The following ADRA1B variants were observed in gnomAD, a reference collection of about 807,000 sequenced individuals.
ADRA1B encodes alpha-1B adrenergic receptor.
In ADRA1B, 17 loss-of-function variants were observed where a neutral mutation model predicts 17.9. The ratio of observed to expected loss-of-function variants is 0.95; its 90% CI spans 0.65 to 1.42. The LOEUF is 1.42. ADRA1B is among the 40% of genes most tolerant of loss of function. The probability of loss-of-function intolerance (pLI) is 0.00; values close to 1 mark genes in which losing one functional copy is unlikely to be tolerated. For missense variants in ADRA1B, 681 were observed against 722.1 expected (o/e 0.94, Z 0.65); for synonymous variants, 366 against 327.6 (o/e 1.12, Z -1.27).
the ADRA1B span, among the ~76,000 whole-genome samples, chr5:159,988,826 A>T: frequency 3.9e-5 from 6 of 152,240 alleles, no homozygotes; most frequent in African/African-American, 4.8e-5. Flanking sequence ...AAAAAATTTT[A>T]AAAATTAGCC....
downstream of ADRA1B, among the ~76,000 whole-genome samples, chr5:159,973,508 A>G (rs534601306): frequency 4.6e-5 from 7 of 152,270 alleles, no homozygotes; most frequent in South Asian, 1.5e-3. Flanking sequence ...TTGCATTCCC[A>G]GGCCAGCACT....
chr5:159,868,909 C>T (rs2113064972), intron 1 of ADRA1B: 1 of 152,238 alleles, frequency 6.6e-6, no homozygotes, highest in Non-Finnish European at 1.5e-5. Context: ...GACATAGTTT[C>T]CAGAAATTAT....
intron 1 of ADRA1B, among the ~76,000 whole-genome samples, chr5:159,892,976 C>T (rs1018186280): frequency 6.6e-6 from 1 of 152,172 alleles, no homozygotes; most frequent in African/African-American, 2.4e-5. Context: ...TCCTTTTTCT[C>T]CACAACCTTG....
At chr5:159,905,068 A>C (rs1754145429) in intron 1 of ADRA1B, among the ~76,000 whole-genome samples, 1 of 152,266 alleles carries the variant, frequency 6.6e-6, no homozygotes, top group African/African-American at 2.4e-5. Flanking sequence ...TGAAGAGTTC[A>C]TAACATGCAC....
At chr5:159,931,926 A>C (rs548252565) in intron 1 of ADRA1B, among the ~76,000 whole-genome samples, 24 of 152,360 alleles carry the variant, frequency 1.6e-4, no homozygotes, top group Admixed American at 1.2e-3. Flanking sequence ...AAGTTTCAAC[A>C]TATTAATTTT....
chr5:159,956,618 A>G (rs1459166226), intron 1 of ADRA1B, among the ~76,000 whole-genome samples: 3 of 152,214 alleles, frequency 2.0e-5, no homozygotes, highest in African/African-American at 7.2e-5. Flanking sequence ...TGTGGAAAGC[A>G]TTACTGCAAT....
intron 1 of ADRA1B, among the ~76,000 whole-genome samples, chr5:159,947,352 G>T (rs1755302461): frequency 6.6e-6 from 1 of 151,522 alleles, no homozygotes; most frequent in Non-Finnish European, 1.5e-5. Context: ...AAAAAAAAAA[G>T]AAAAGAAAAG....
rs764926136 is a variant in ADRA1B at position 159,972,894 on chromosome 5, C to A, written c.*402C>A. 6.6e-6 allele frequency among the ~76,000 whole-genome samples: 1 copy of A among 152,182 alleles called. No individual in the cohort carries two copies. Among genetic ancestry groups the A allele is most frequent in the Non-Finnish European group, 1.5e-5 (1 of 68,026 alleles). Reference sequence around the variant, plus strand: ...GGCGACTGTGCGCCCAGGAGGCAACCGGGGGCGTTGTGTGTGTCGTGACTT... The same window carrying A: ...GGCGACTGTGCGCCCAGGAGGCAACAGGGGGCGTTGTGTGTGTCGTGACTT... On this transcript the variant is annotated 3_prime_UTR_variant, in exon 2 of 2. Coordinates refer to ENST00000306675, the MANE Select transcript of ADRA1B (RefSeq NM_000679.4).
intron 1 of ADRA1B, among the ~76,000 whole-genome samples, chr5:159,963,942 C>G (rs913711756): frequency 6.6e-6 from 1 of 152,168 alleles, no homozygotes; most frequent in African/African-American, 2.4e-5. Context: ...GGGCTCACGG[C>G]AACATCTGTT....
chr5:159,985,689 CAAA>C, the ADRA1B span, among the ~76,000 whole-genome samples: 1 of 152,198 alleles, frequency 6.6e-6, no homozygotes, highest in Admixed American at 6.5e-5. Context: ...ACCAGCACAC[CAAA>C]GGGTCTGGAA....
At chr5:159,871,323 G>A (rs1753736554) in intron 1 of ADRA1B, 1 of 152,166 alleles carries the variant, frequency 6.6e-6, no homozygotes. Flanking sequence ...GGAAGTTGGG[G>A]TCTATATTGG....
At chr5:159,969,979 C>T (rs967794514) in intron 1 of ADRA1B, among the ~76,000 whole-genome samples, 3 of 151,532 alleles carry the variant, frequency 2.0e-5, no homozygotes, top group East Asian at 3.9e-4. Flanking sequence ...TAGTCTAAAT[C>T]CCAGATATAT....
At chr5:159,949,641 C>T (rs1404942939) in intron 1 of ADRA1B, among the ~76,000 whole-genome samples, 2 of 152,168 alleles carry the variant, frequency 1.3e-5, no homozygotes, top group Admixed American at 6.5e-5. Flanking sequence ...GATCAGGAGA[C>T]ACTGGAATGA....
At chr5:159,973,208 G>A (rs917176803), downstream of ADRA1B, among the ~76,000 whole-genome samples, 12 of 152,306 alleles carry the variant, frequency 7.9e-5, no homozygotes, top group African/African-American at 2.9e-4. Context: ...TCCCATTTAC[G>A]CCTTTGCGGT....
intron 1 of ADRA1B, among the ~76,000 whole-genome samples, chr5:159,890,097 G>A (rs930632742): frequency 1.3e-5 from 2 of 152,164 alleles, no homozygotes; most frequent in African/African-American, 4.8e-5. Flanking sequence ...ACGGGTGCTT[G>A]CCTTGAGGGT....
At chr5:159,881,130 C>T (rs568325426) in intron 1 of ADRA1B, among the ~76,000 whole-genome samples, 381 of 145,530 alleles carry the variant, frequency 2.6e-3, no homozygotes, top group Non-Finnish European at 4.4e-3. Context: ...GCCGAGATTG[C>T]GCCACTGCAG....
At chr5:159,881,180 C>CAAAAAAA (rs35928792) in intron 1 of ADRA1B, among the ~76,000 whole-genome samples, 4 of 56,828 alleles carry the variant, frequency 7.0e-5, no homozygotes, top group African/African-American at 1.7e-4. Context: ...GACTCCGTCT[C>CAAAAAAA]AAAAAAAAAA....
intron 1 of ADRA1B, among the ~76,000 whole-genome samples, chr5:159,964,669 A>G (rs1755741644): frequency 6.6e-6 from 1 of 152,202 alleles, no homozygotes; most frequent in Non-Finnish European, 1.5e-5. Context: ...AAGAAAATAT[A>G]GGAATGTTGC....
At chr5:159,913,195 A>T (rs1484821821), upstream of ADRA1B, among the ~76,000 whole-genome samples, 1 of 152,210 alleles carries the variant, frequency 6.6e-6, no homozygotes, top group Non-Finnish European at 1.5e-5. Flanking sequence ...TAATGAAAAG[A>T]TTCTTCTTCC....
Sources: allele counts gnomAD v4.1 joint callset (sites outside exome capture counted in the v4.1 genomes callset), GRCh38; gene constraint gnomAD v4.1.1; transcripts MANE v1.5; gene names NCBI Gene and HGNC (gene_info 2026-07-23, HGNC 2026-07-21).